SMPD3: variants seen among roughly 807,000 people sequenced by gnomAD.
SMPD3 encodes the protein nSMase-2.
SMPD3 carries 21 observed loss-of-function variants against 55.7 expected under a neutral mutation model. The ratio of observed to expected loss-of-function variants is 0.38; its 90% CI spans 0.27 to 0.54. The LOEUF (loss-of-function observed/expected upper bound fraction) is 0.54. Among genes scored for constraint, SMPD3 ranks in the 20% least tolerant of loss-of-function variants. SMPD3 has a pLI of 0.80. For synonymous variants in SMPD3, 457 were observed against 404.3 expected, an observed-to-expected ratio of 1.13 and a Z score of -1.56; for missense variants, 842 against 899.6, an observed-to-expected ratio of 0.94 and a Z score of 0.82.
intron 2 of SMPD3, among the ~76,000 whole-genome samples, chr16:68,376,399 C>T (rs79457734): frequency 2.9e-4 from 44 of 152,332 alleles, no homozygotes; most frequent in Non-Finnish European, 5.7e-4. Context: ...TGCCCCCGCT[C>T]TCTGCTTCCA....
intron 2 of SMPD3, among the ~76,000 whole-genome samples, chr16:68,373,530 C>T (rs1013958989): frequency 2.0e-5 from 3 of 152,162 alleles, no homozygotes; most frequent in Non-Finnish European, 4.4e-5. Flanking sequence ...GGGGTCTGAG[C>T]CCACGGTGCC....
intron 5 of SMPD3, 77 bp downstream of exon 5, chr16:68,364,674 C>A: frequency 6.7e-7 from 1 of 1,488,344 alleles, no homozygotes. Flanking sequence ...AGCTGCCTAA[C>A]GAAGTCTGTC....
intron 1 of SMPD3, among the ~76,000 whole-genome samples, chr16:68,436,743 T>G (rs755896755): frequency 6.6e-6 from 1 of 152,244 alleles, no homozygotes; most frequent in Non-Finnish European, 1.5e-5. Context: ...GACGGACACA[T>G]GGCTGCTTGG....
chr16:68,397,135 C>G (rs536800720), intron 1 of SMPD3, among the ~76,000 whole-genome samples: 3 of 152,286 alleles, frequency 2.0e-5, no homozygotes, highest in Admixed American at 1.3e-4. Context: ...CAAGACTTAT[C>G]TGCAGCCCCA....
intron 1 of SMPD3, among the ~76,000 whole-genome samples, chr16:68,427,212 A>G (rs1300962299): frequency 3.3e-5 from 5 of 152,116 alleles, no homozygotes; most frequent in Admixed American, 2.0e-4. Flanking sequence ...CACGTTGGCC[A>G]GGCTCGTCTC....
chr16:68,402,722 C>T lies in SMPD3; in HGVS notation c.-268-16063G>A, dbSNP rs571795161. On this transcript the variant is annotated intron_variant, in intron 1 of 8. Coordinates refer to ENST00000219334, the MANE Select transcript of SMPD3 (RefSeq NM_018667.4). ...GCCACAAAGAGGCAACAAGGTTCTA[C>T]GGAATCAAGGTTCTACAGAATCAAG... Among the ~76,000 whole-genome samples, 5 of 152,266 alleles carry T rather than the reference C, an allele frequency of 3.3e-5. No homozygotes were observed. In the Middle Eastern group the frequency reaches 0.01, roughly 311 times the overall value.
chr16:68,434,801 G>A (rs780151551), intron 1 of SMPD3, among the ~76,000 whole-genome samples: 1 of 152,146 alleles, frequency 6.6e-6, no homozygotes, highest in Non-Finnish European at 1.5e-5. Flanking sequence ...CTCTGTGTTC[G>A]GTTTCTAAGC....
chr16:68,421,254 C>A (rs980609334), intron 1 of SMPD3, among the ~76,000 whole-genome samples: 1 of 152,230 alleles, frequency 6.6e-6, no homozygotes, highest in Non-Finnish European at 1.5e-5. Flanking sequence ...TCTGCTTCAC[C>A]CCCATTCCCA....
intron 1 of SMPD3, among the ~76,000 whole-genome samples, chr16:68,425,076 C>T (rs2090425191): frequency 6.6e-6 from 1 of 152,204 alleles, no homozygotes; most frequent in African/African-American, 2.4e-5. Context: ...GAAACCTCCT[C>T]CCAGGAAGAT....
intron 1 of SMPD3, among the ~76,000 whole-genome samples, chr16:68,412,137 G>A (rs2090306711): frequency 6.6e-6 from 1 of 152,144 alleles, no homozygotes; most frequent in Non-Finnish European, 1.5e-5. Flanking sequence ...GGCTGGGGAA[G>A]GCCTGGGGCA....
chr16:68,396,889 G>T (rs1167415920), intron 1 of SMPD3, among the ~76,000 whole-genome samples: 1 of 152,218 alleles, frequency 6.6e-6, no homozygotes, highest in African/African-American at 2.4e-5. Context: ...AGTGCCTATA[G>T]CTTACTGGAA....
intron 2 of SMPD3, among the ~76,000 whole-genome samples, chr16:68,376,972 C>T (rs377024344): frequency 3.3e-5 from 5 of 152,214 alleles, no homozygotes; most frequent in East Asian, 3.8e-4. Flanking sequence ...CTTCCCTACC[C>T]GCTCCTGGTA....
At position 68,360,911 on chromosome 16, in the gene SMPD3, A is replaced by C. The variant is rs938237369; in HGVS notation, c.*295T>G. 2.5e-6 allele frequency: 1 copy of C among 405,432 alleles called. No homozygotes were observed. Among genetic ancestry groups the C allele is most frequent in the African/African-American group, 2.0e-5 (1 of 49,344 alleles). The allele number at this position is 405,432 out of a possible 1,614,324, so 25.1% of individuals were successfully genotyped here. On this transcript the variant is annotated 3_prime_UTR_variant, in exon 9 of 9. Transcript: ENST00000219334. Reference sequence around the variant, plus strand: ...CAGAGAGTACACGAACCCGGTCCTCATACTAACCCACGGGTTACAAACTCG... The same window carrying C: ...CAGAGAGTACACGAACCCGGTCCTCCTACTAACCCACGGGTTACAAACTCG...
intron 1 of SMPD3, among the ~76,000 whole-genome samples, chr16:68,399,960 T>C (rs1567800692): frequency 1.3e-5 from 2 of 152,226 alleles, no homozygotes; most frequent in African/African-American, 4.8e-5. Flanking sequence ...AGTGTGGATG[T>C]CACCACACCT....
chr16:68,428,523 G>A (rs528695757), intron 1 of SMPD3, among the ~76,000 whole-genome samples: 5 of 152,334 alleles, frequency 3.3e-5, no homozygotes, highest in East Asian at 3.9e-4. Context: ...AAAGGGGAGG[G>A]TGGGTTTATC....
chr16:68,441,521 TTAATA>T (rs2090565545), intron 1 of SMPD3, among the ~76,000 whole-genome samples: 1 of 152,140 alleles, frequency 6.6e-6, no homozygotes, highest in South Asian at 2.1e-4. Context: ...TATATTTTAC[TTAATA>T]TATCTAAAAT....
At chr16:68,363,612 C>A in intron 6 of SMPD3, 53 bp from the exon 7 acceptor site, 1 of 1,561,078 alleles carries the variant, frequency 6.4e-7, no homozygotes, top group Non-Finnish European at 8.8e-7. Context: ...CCCAGGCAGC[C>A]TCTAGGGGGT....
chr16:68,364,972 A>G (rs141322661), intron 4 of SMPD3, 45 bp downstream of exon 4: 21,618 of 1,613,932 alleles, frequency 0.013, 218 homozygotes, highest in Non-Finnish European at 0.015. Context: ...GGCCCCAGGC[A>G]CTGATCCCAT....
chr16:68,387,706 C>A (rs75690141), intron 1 of SMPD3, among the ~76,000 whole-genome samples: 3,023 of 152,344 alleles, frequency 0.02, 130 homozygotes, highest in African/African-American at 0.068. Context: ...TTCTTAAGCC[C>A]GTCCCATGGC....
Sources: allele counts gnomAD v4.1 joint callset (sites outside exome capture counted in the v4.1 genomes callset), GRCh38; gene constraint gnomAD v4.1.1; transcripts MANE v1.5; gene names NCBI Gene and HGNC (gene_info 2026-07-23, HGNC 2026-07-21).